MEGF9: variants seen among roughly 807,000 people sequenced by gnomAD.
The protein encoded by MEGF9 is multiple epidermal growth factor-like domains protein 9.
In MEGF9, 6 loss-of-function variants were observed where a neutral mutation model predicts 46.8. The ratio of observed to expected loss-of-function variants is 0.13; its 90% CI spans 0.07 to 0.25. The LOEUF (loss-of-function observed/expected upper bound fraction) is 0.25, where lower values mean the gene tolerates loss of function less well. Among genes scored for constraint, MEGF9 ranks in the 10% least tolerant of loss-of-function variants. The pLI is 1.00. For missense variants in MEGF9, 683 were observed against 792.4 expected, an observed-to-expected ratio of 0.86 and a Z score of 1.66; for synonymous variants, 302 against 330.7, an observed-to-expected ratio of 0.91 and a Z score of 0.94.
At chr9:120,694,817 A>G (rs1333952336) in intron 1 of MEGF9, among the ~76,000 whole-genome samples, 1 of 152,212 alleles carries the variant, frequency 6.6e-6, no homozygotes, top group African/African-American at 2.4e-5. Context: ...AGAAGAGGTA[A>G]CCAAAGATGA....
intron 2 of MEGF9, among the ~76,000 whole-genome samples, chr9:120,652,181 CAA>C (rs869214058): frequency 1.2e-3 from 11 of 9,092 alleles, no homozygotes; most frequent in East Asian, 9.1e-3. Flanking sequence ...CACACACACA[CAA>C]AAAAAAAAAA....
intron 2 of MEGF9, among the ~76,000 whole-genome samples, chr9:120,638,719 G>GT (rs1381140208): frequency 6.6e-6 from 1 of 152,190 alleles, no homozygotes; most frequent in African/African-American, 2.4e-5. Flanking sequence ...TCACAACATG[G>GT]TTTTAAATTG....
chr9:120,708,144 G>A (rs1256130104), intron 1 of MEGF9, among the ~76,000 whole-genome samples: 1 of 152,108 alleles, frequency 6.6e-6, no homozygotes, highest in East Asian at 1.9e-4. Flanking sequence ...GATTGCCTGA[G>A]GTTGGGAGTT....
In MEGF9 at chr9:120,651,477, G is replaced by A. The variant is rs773581428; in HGVS notation, c.803+7897C>T. Among the ~76,000 whole-genome samples, 179 of 152,062 alleles carry A rather than the reference G, an allele frequency of 1.2e-3. 2 individuals are homozygous for A. Among genetic ancestry groups the A allele is most frequent in the Non-Finnish European group, 2.1e-3 (140 of 67,984 alleles). Reference sequence around the variant, plus strand: ...GCAAATTAGGCAAATTACCTAACTTGCATTTTTTTTCCTGTACAAATGAGA... The same window carrying A: ...GCAAATTAGGCAAATTACCTAACTTACATTTTTTTTCCTGTACAAATGAGA... On this transcript the variant is annotated intron_variant, in intron 2 of 5. Transcript: ENST00000373930.
At chr9:120,673,750 G>A (rs1031585226) in intron 1 of MEGF9, among the ~76,000 whole-genome samples, 10 of 151,864 alleles carry the variant, frequency 6.6e-5, no homozygotes, top group Non-Finnish European at 1.5e-4. Flanking sequence ...GGTGGATCAC[G>A]AGGTCAGGAG....
At chr9:120,629,464 ACAT>A (rs559614550) in intron 2 of MEGF9, among the ~76,000 whole-genome samples, 20 of 152,260 alleles carry the variant, frequency 1.3e-4, no homozygotes, top group African/African-American at 4.3e-4. Flanking sequence ...ACATGGCAAA[ACAT>A]CGTCTCTACT....
At chr9:120,669,118 CT>C (rs1156972016) in intron 1 of MEGF9, among the ~76,000 whole-genome samples, 2 of 151,912 alleles carry the variant, frequency 1.3e-5, no homozygotes, top group Non-Finnish European at 1.5e-5. Context: ...TTTACAAAAA[CT>C]TTTTTTTAAT....
chr9:120,628,061 C>T (rs541349295), intron 2 of MEGF9, among the ~76,000 whole-genome samples: 8 of 152,196 alleles, frequency 5.3e-5, no homozygotes, highest in South Asian at 2.1e-4. Context: ...ATTATAAACT[C>T]GCTCAATATA....
intron 2 of MEGF9, among the ~76,000 whole-genome samples, chr9:120,637,112 T>C (rs1024001640): frequency 6.6e-6 from 1 of 152,224 alleles, no homozygotes; most frequent in Non-Finnish European, 1.5e-5. Context: ...GCTGTTAATC[T>C]ATAACCTTAC....
At chr9:120,707,643 C>T (rs1169265120) in intron 1 of MEGF9, among the ~76,000 whole-genome samples, 1 of 151,984 alleles carries the variant, frequency 6.6e-6, no homozygotes, top group Non-Finnish European at 1.5e-5. Context: ...TAAAGAAACA[C>T]GAGTAAGTAA....
chr9:120,639,859 A>G (rs1336090238), intron 2 of MEGF9, among the ~76,000 whole-genome samples: 3 of 152,204 alleles, frequency 2.0e-5, no homozygotes, highest in East Asian at 1.9e-4. Flanking sequence ...TGCATAACAT[A>G]TAAGTGAAAG....
rs777877153 is a variant in MEGF9, at chr9:120,607,956, G to A, written c.1142C>T (p.Pro381Leu). Residue 381 changes from proline (P) to leucine (L), a missense_variant, in exon 5 of 6, where the codon CCG becomes CTG. Physicochemically the swap from Pro to Leu is moderately conservative, Grantham distance 98. Around this residue, in one of 2 missense-constraint regions of MEGF9, gnomAD observed 313 missense variants for 421.1 expected, o/e 0.74. Coordinates refer to ENST00000373930, the MANE Select transcript of MEGF9 (RefSeq NM_001080497.3). ...GCCATTTTCACATTTATTGCAGTTC[G>A]GGCCTATGTAACCATCTTTACACTG... ...CDQCKDGYIG[P>L]NCNKCENGYY... 7 of 1,613,908 alleles carry A rather than the reference G, an allele frequency of 4.3e-6. No homozygotes were observed. The highest frequency in any genetic ancestry group is 2.2e-5 in the South Asian group (2 of 91,070).
At chr9:120,666,420 C>A (rs2132325903) in intron 1 of MEGF9, among the ~76,000 whole-genome samples, 1 of 152,216 alleles carries the variant, frequency 6.6e-6, no homozygotes, top group South Asian at 2.1e-4. Context: ...CAGTGGAAGT[C>A]AAAAGCAAAA....
chr9:120,620,854 G>A (rs78721038), intron 3 of MEGF9, among the ~76,000 whole-genome samples: 2 of 149,970 alleles, frequency 1.3e-5, no homozygotes, highest in African/African-American at 2.5e-5. Flanking sequence ...TCGCATAAAA[G>A]AAAAAAAAAA....
chr9:120,670,031 G>C (rs2043741659), intron 1 of MEGF9, among the ~76,000 whole-genome samples: 1 of 152,164 alleles, frequency 6.6e-6, no homozygotes, highest in African/African-American at 2.4e-5. Context: ...AAAGAGAGAA[G>C]TCTAGTCTAG....
chr9:120,614,005 T>C (rs1025493107), intron 3 of MEGF9, among the ~76,000 whole-genome samples: 5 of 140,712 alleles, frequency 3.6e-5, no homozygotes, highest in African/African-American at 7.6e-5. Flanking sequence ...AACCTACATG[T>C]TAAAAAGCTC....
At chr9:120,697,242 C>G (rs1265693312) in intron 1 of MEGF9, among the ~76,000 whole-genome samples, 1 of 152,158 alleles carries the variant, frequency 6.6e-6, no homozygotes, top group African/African-American at 2.4e-5. Context: ...GCCATTATAC[C>G]CAGCTAGTTT....
At position 120,689,922 on chromosome 9, in the gene MEGF9, C is replaced by CTACCCGT. The variant is rs142255492; in HGVS notation, c.601+23829_601+23835dup. The CTACCCGT allele has an allele frequency of 1.3e-3, 688 of 530,304 alleles. 6 individuals are homozygous for CTACCCGT. Among genetic ancestry groups the CTACCCGT allele is most frequent in the African/African-American group, 0.012 (628 of 52,008 alleles). 32.8% of individuals were successfully genotyped at this position (530,304 alleles called of 1,614,324 possible). A position where few individuals can be genotyped will look rare whatever the true frequency, so the allele number is the denominator to read the frequency against. Reference sequence around the variant, plus strand: ...CCTCTCCCTTCCCATAACAATTTTTCTACCCGTTTTAACAGCTTCTGAGAC... The same window carrying CTACCCGT: ...CCTCTCCCTTCCCATAACAATTTTTCTACCCGTTACCCGTTTTAACAGCTTCTGAGAC... On this transcript the variant is annotated intron_variant, in intron 1 of 5. Coordinates refer to ENST00000373930, the MANE Select transcript of MEGF9 (RefSeq NM_001080497.3).
chr9:120,642,623 TAGTC>T (rs1195961165), intron 2 of MEGF9, among the ~76,000 whole-genome samples: 2 of 152,240 alleles, frequency 1.3e-5, no homozygotes, highest in Admixed American at 1.3e-4. Flanking sequence ...GTGAACATGT[TAGTC>T]AAGAAAGCTA....
Sources: gnomAD v4.1 joint callset for allele counts (sites outside exome capture counted in the v4.1 genomes callset) on GRCh38, gnomAD v4.1.1 for gene constraint, gnomAD v4.1.1 regional missense constraint, MANE v1.5 for transcripts, NCBI Gene and HGNC (gene_info 2026-07-23, HGNC 2026-07-21) for gene names.